WDR27: variants seen among roughly 807,000 people sequenced by gnomAD.
WDR27 encodes WD repeat-containing protein 27.
WDR27 carries 100 observed loss-of-function variants against 114.4 expected under a neutral mutation model. That is an observed-to-expected ratio of 0.87 (90% CI 0.74 to 1.03). The LOEUF (loss-of-function observed/expected upper bound fraction) is 1.03. WDR27 is among the 50% of genes least tolerant of loss of function. The pLI, the probability that WDR27 is intolerant of heterozygous loss-of-function variation, is 0.00. For missense variants in WDR27, 1,129 were observed against 1,092.9 expected, an observed-to-expected ratio of 1.03 and a Z score of -0.47; for synonymous variants, 449 against 423.1, an observed-to-expected ratio of 1.06 and a Z score of -0.75.
intron 2 of WDR27, among the ~76,000 whole-genome samples, chr6:169,683,483 A>G (rs1249459609): frequency 6.6e-6 from 1 of 152,136 alleles, no homozygotes; most frequent in East Asian, 1.9e-4. Flanking sequence ...AAGTGATATC[A>G]GCAAGACGGC....
chr6:169,613,388 G>C (rs528316001), intron 22 of WDR27, among the ~76,000 whole-genome samples, 171 bp downstream of exon 22: 20 of 152,322 alleles, frequency 1.3e-4, no homozygotes, highest in African/African-American at 4.8e-4. Context: ...CCAGTACCTA[G>C]TGCTTCACCC....
At chr6:169,490,397 A>G (rs1256331312) in intron 25 of WDR27, among the ~76,000 whole-genome samples, 1 of 152,236 alleles carries the variant, frequency 6.6e-6, no homozygotes, top group Non-Finnish European at 1.5e-5. Context: ...TTCTTGTAAC[A>G]ATGCAAGTAC....
chr6:169,529,138 T>C (rs976203146), intron 25 of WDR27, among the ~76,000 whole-genome samples: 6 of 152,168 alleles, frequency 3.9e-5, no homozygotes, highest in East Asian at 3.9e-4. Context: ...AAAAGAATTA[T>C]ATGCAACCAT....
chr6:169,625,490 G>A (rs556192129), intron 21 of WDR27, among the ~76,000 whole-genome samples: 8 of 152,326 alleles, frequency 5.3e-5, no homozygotes, highest in South Asian at 2.1e-4. Flanking sequence ...GGGCCACAGA[G>A]CAAGAGCACA....
chr6:169,465,266 A>T, intron 25 of WDR27, among the ~76,000 whole-genome samples: 1 of 140,842 alleles, frequency 7.1e-6, no homozygotes, highest in Admixed American at 7.0e-5. Flanking sequence ...CTCAAAAAAA[A>T]AAAAAAAAAA....
intron 2 of WDR27, among the ~76,000 whole-genome samples, chr6:169,686,719 G>A (rs1783058812): frequency 6.6e-6 from 1 of 152,124 alleles, no homozygotes; most frequent in Non-Finnish European, 1.5e-5. Flanking sequence ...TATCACAACA[G>A]CCAAAATATG....
intron 6 of WDR27, 53 bp from the exon 7 acceptor site, chr6:169,665,609 A>G (rs1156548808): frequency 2.0e-6 from 3 of 1,519,564 alleles, no homozygotes; most frequent in Non-Finnish European, 2.7e-6. Flanking sequence ...GGTACCAATT[A>G]ACCCGAGAAC....
At chr6:169,656,226 A>C (rs1353809770) in intron 13 of WDR27, among the ~76,000 whole-genome samples, 1 of 152,218 alleles carries the variant, frequency 6.6e-6, no homozygotes, top group African/African-American at 2.4e-5. Context: ...CAGCAGTGTC[A>C]AAAACCAATT....
intron 25 of WDR27, among the ~76,000 whole-genome samples, chr6:169,540,842 T>A (rs943691571): frequency 6.6e-6 from 1 of 152,156 alleles, no homozygotes; most frequent in Non-Finnish European, 1.5e-5. Flanking sequence ...GAGATTTCCC[T>A]CCATCACTCT....
At chr6:169,636,987 T>C (rs966666912) in intron 18 of WDR27, among the ~76,000 whole-genome samples, 5 of 152,184 alleles carry the variant, frequency 3.3e-5, no homozygotes, top group African/African-American at 7.2e-5. Flanking sequence ...TCCTTTCTTG[T>C]CTTTCTCGTA....
At chr6:169,677,227 G>A (rs74838157) in intron 2 of WDR27, among the ~76,000 whole-genome samples, 15,073 of 152,270 alleles carry the variant, frequency 0.099, 881 homozygotes, top group Middle Eastern at 0.13. Context: ...GGTAAAGACA[G>A]TGAAGTCTAG....
intron 2 of WDR27, among the ~76,000 whole-genome samples, chr6:169,680,441 G>A (rs953814558): frequency 5.9e-5 from 9 of 152,268 alleles, no homozygotes; most frequent in African/African-American, 2.2e-4. Flanking sequence ...AATTAGCGGG[G>A]CTTGGTGATG....
At chr6:169,563,049 C>T (rs913200467) in intron 25 of WDR27, among the ~76,000 whole-genome samples, 1 of 152,150 alleles carries the variant, frequency 6.6e-6, no homozygotes, top group African/African-American at 2.4e-5. Flanking sequence ...TCAGAGATCA[C>T]AGTTTAAGAT....
At chr6:169,608,561 C>T (rs562726991) in intron 22 of WDR27, among the ~76,000 whole-genome samples, 1 of 152,252 alleles carries the variant, frequency 6.6e-6, no homozygotes, top group Admixed American at 6.5e-5. Context: ...TCTCATGAGA[C>T]TTATTCACTA....
intron 25 of WDR27, among the ~76,000 whole-genome samples, chr6:169,459,826 C>G (rs1784709678): frequency 1.3e-5 from 2 of 151,996 alleles, no homozygotes; most frequent in Admixed American, 1.3e-4. Flanking sequence ...AAAAAACCCC[C>G]AAAAAACTCT....
intron 1 of WDR27, among the ~76,000 whole-genome samples, chr6:169,697,731 C>G (rs776973777): frequency 6.6e-6 from 1 of 152,172 alleles, no homozygotes; most frequent in East Asian, 1.9e-4. Flanking sequence ...AGGGAAGGGC[C>G]CCCTGTCCAG....
intron 3 of WDR27, chr6:169,671,060 T>A (rs553804462): frequency 3.0e-4 from 51 of 168,840 alleles, no homozygotes; most frequent in African/African-American, 1.2e-3. Context: ...TAACATTGAT[T>A]GGAAGGAAAG....
chr6:169,501,217 G>A (rs1319579975), intron 25 of WDR27, among the ~76,000 whole-genome samples: 1 of 152,212 alleles, frequency 6.6e-6, no homozygotes, highest in African/African-American at 2.4e-5. Context: ...GAGATGAGAC[G>A]AACCCGATCC....
intron 25 of WDR27, among the ~76,000 whole-genome samples, chr6:169,557,228 A>C (rs1269640826): frequency 6.6e-6 from 1 of 152,248 alleles, no homozygotes; most frequent in Non-Finnish European, 1.5e-5. Context: ...AGGAACCAGA[A>C]TGCGTGCAAC....
Sources: gnomAD v4.1 joint callset for allele counts (sites outside exome capture counted in the v4.1 genomes callset) on GRCh38, gnomAD v4.1.1 for gene constraint, MANE v1.5 for transcripts, NCBI Gene and HGNC (gene_info 2026-07-23, HGNC 2026-07-21) for gene names.